Variants in SMG6 observed in about 807,000 individuals in gnomAD.
The protein encoded by SMG6 is SMG6 nonsense mediated mRNA decay factor.
Under a neutral mutation model 142.2 loss-of-function variants are expected in SMG6, and 66 were observed. That is an observed-to-expected ratio of 0.46 (90% CI 0.38 to 0.57). The LOEUF is 0.57. SMG6 is among the 20% of genes least tolerant of loss of function. SMG6 has a pLI of 0.00. For synonymous variants in SMG6, 779 were observed against 702.4 expected (o/e 1.11, Z -1.72); for missense variants, 1,793 against 1,832.0 (o/e 0.98, Z 0.39).
intron 15 of SMG6, among the ~76,000 whole-genome samples, chr17:2,070,861 G>A (rs1441159358): frequency 6.6e-6 from 1 of 152,198 alleles, no homozygotes; most frequent in East Asian, 1.9e-4. Context: ...AGGGTGACAG[G>A]CATTCCAACA....
intron 9 of SMG6, among the ~76,000 whole-genome samples, chr17:2,241,923 G>A (rs1412789726): frequency 6.6e-6 from 1 of 152,144 alleles, no homozygotes; most frequent in African/African-American, 2.4e-5. Flanking sequence ...TTTCAGTGAG[G>A]GGCAACTTTG....
intron 11 of SMG6, among the ~76,000 whole-genome samples, chr17:2,187,938 C>T (rs1027203859): frequency 2.6e-5 from 4 of 152,128 alleles, no homozygotes; most frequent in Admixed American, 2.0e-4. Context: ...ATATGGGATA[C>T]TGTCTCAACC....
intron 8 of SMG6, among the ~76,000 whole-genome samples, chr17:2,259,214 G>C (rs1326684999): frequency 6.6e-6 from 1 of 150,676 alleles, no homozygotes; most frequent in Non-Finnish European, 1.5e-5. Flanking sequence ...GAGACCACCA[G>C]GCCAAACCAA....
intron 13 of SMG6, among the ~76,000 whole-genome samples, chr17:2,093,307 G>A (rs1034830981): frequency 1.3e-5 from 2 of 151,996 alleles, no homozygotes; most frequent in Non-Finnish European, 2.9e-5. Context: ...CCTATGGTCC[G>A]AGCTAACTAG....
intron 13 of SMG6, among the ~76,000 whole-genome samples, chr17:2,112,218 A>C (rs1004807109): frequency 6.6e-6 from 1 of 151,854 alleles, no homozygotes; most frequent in South Asian, 2.1e-4. Context: ...AAAAAAAAAA[A>C]AGTCGGCCGG....
At chr17:2,241,699 G>A (rs1046578185) in intron 9 of SMG6, among the ~76,000 whole-genome samples, 5 of 152,088 alleles carry the variant, frequency 3.3e-5, no homozygotes, top group Non-Finnish European at 7.4e-5. Context: ...TCATTATCTC[G>A]CTTTTTCATC....
intron 3 of SMG6, 65 bp from the exon 4 acceptor site, chr17:2,297,418 C>T (rs777223129): frequency 6.4e-5 from 78 of 1,227,024 alleles, no homozygotes; most frequent in South Asian, 7.0e-5. Flanking sequence ...CACCAAAAAC[C>T]GGGGCAGACA....
At chr17:2,194,288 A>G (rs2072251604) in intron 10 of SMG6, among the ~76,000 whole-genome samples, 2 of 152,222 alleles carry the variant, frequency 1.3e-5, no homozygotes, top group South Asian at 2.1e-4. Flanking sequence ...CACTCACTCA[A>G]TGTTCTTGGA....
intron 8 of SMG6, among the ~76,000 whole-genome samples, chr17:2,253,442 A>G (rs148192131): frequency 6.6e-6 from 1 of 152,202 alleles, no homozygotes; most frequent in East Asian, 1.9e-4. Context: ...TCGTTACAGA[A>G]AAAAAATGTC....
chr17:2,232,130 T>C (rs751738084), intron 10 of SMG6, among the ~76,000 whole-genome samples: 12 of 151,506 alleles, frequency 7.9e-5, no homozygotes, highest in Admixed American at 2.0e-4. Context: ...TTGGAACAAA[T>C]TGGGCACAGA....
chr17:2,142,325 C>A (rs145342709), intron 13 of SMG6, among the ~76,000 whole-genome samples: 1 of 152,198 alleles, frequency 6.6e-6, no homozygotes, highest in Non-Finnish European at 1.5e-5. Flanking sequence ...TGATAAAGGA[C>A]TTGTATCCAG....
chr17:2,268,213 T>C (rs953882340), intron 8 of SMG6, among the ~76,000 whole-genome samples: 2 of 152,158 alleles, frequency 1.3e-5, no homozygotes, highest in African/African-American at 4.8e-5. Flanking sequence ...CTAAAAGCTT[T>C]TTCTAAGCTT....
At chr17:2,076,297 T>G (rs1241668859) in intron 15 of SMG6, among the ~76,000 whole-genome samples, 1 of 152,156 alleles carries the variant, frequency 6.6e-6, no homozygotes, top group African/African-American at 2.4e-5. Context: ...CCTCCAATCT[T>G]AATTCACTCG....
At chr17:2,229,502 T>C (rs954614665) in intron 10 of SMG6, 1 of 152,224 alleles carries the variant, frequency 6.6e-6, no homozygotes, top group Non-Finnish European at 1.5e-5. Flanking sequence ...ATTTACTAGC[T>C]GTGCAGCCCT....
At position 2,061,377 on chromosome 17, in the gene SMG6, T is replaced by C; in HGVS notation, c.*115A>G. 1.9e-6 allele frequency: 2 copies of C among 1,039,158 alleles called. No individual in the cohort carries two copies. The highest frequency in any genetic ancestry group is 2.7e-5 in the East Asian group (1 of 36,912). 64.4% of individuals were successfully genotyped at this position (1,039,158 alleles called of 1,614,324 possible). ...CGTGGCGTGGGTTGGAAGAGGATGG[T>C]TTATTGTCTGGGTGGATTGGTGGCT... On this transcript the variant is annotated 3_prime_UTR_variant, in exon 19 of 19. Transcript: ENST00000263073.
At chr17:2,112,090 C>T (rs954734807) in intron 13 of SMG6, among the ~76,000 whole-genome samples, 3 of 152,054 alleles carry the variant, frequency 2.0e-5, no homozygotes, top group African/African-American at 7.2e-5. Context: ...TTATCCCCTC[C>T]CCCTCCGTAC....
intron 13 of SMG6, chr17:2,088,528 C>T: frequency 3.0e-6 from 3 of 985,434 alleles, no homozygotes; most frequent in Non-Finnish European, 3.6e-6. Context: ...CAACTGCTGG[C>T]TGATATGCAA....
At chr17:2,125,489 A>G (rs2069843480) in intron 13 of SMG6, among the ~76,000 whole-genome samples, 2 of 152,254 alleles carry the variant, frequency 1.3e-5, no homozygotes. Flanking sequence ...AAAATTGAAT[A>G]TAATTAAAAA....
intron 13 of SMG6, among the ~76,000 whole-genome samples, chr17:2,107,049 G>A: frequency 6.6e-6 from 1 of 151,996 alleles, no homozygotes; most frequent in African/African-American, 2.4e-5. Flanking sequence ...TAGTATTTTA[G>A]CCTGACATGT....
Sources: allele counts gnomAD v4.1 joint callset (sites outside exome capture counted in the v4.1 genomes callset), GRCh38; gene constraint gnomAD v4.1.1; transcripts MANE v1.5; gene names NCBI Gene and HGNC (gene_info 2026-07-23, HGNC 2026-07-21).